The following VPS37A variants were observed in gnomAD, a reference collection of about 807,000 sequenced individuals.
VPS37A encodes the protein VPS37A subunit of ESCRT-I.
A neutral mutation model predicts 49.8 loss-of-function variants in VPS37A; 30 were observed. That is an observed-to-expected ratio of 0.60 (90% CI 0.45 to 0.82). The LOEUF is 0.82. VPS37A is among the 40% of genes least tolerant of loss of function. VPS37A has a pLI of 0.00. For missense variants in VPS37A, 593 were observed against 464.4 expected, an observed-to-expected ratio of 1.28 and a Z score of -2.55; for synonymous variants, 195 against 160.6, an observed-to-expected ratio of 1.21 and a Z score of -1.62.
chr8:17,307,422 T>C (rs953307974), downstream of VPS37A, among the ~76,000 whole-genome samples: 2 of 152,116 alleles, frequency 1.3e-5, no homozygotes, highest in African/African-American at 4.8e-5. Context: ...ATAGGAACAC[T>C]TTTACACTGT....
intron 2 of VPS37A, 118 bp from the exon 3 acceptor site, chr8:17,268,140 C>G: frequency 1.6e-6 from 1 of 643,352 alleles, no homozygotes; most frequent in Non-Finnish European, 2.7e-6. Context: ...TACTAAATGA[C>G]CCATATCAAA....
At chr8:17,311,735 A>T in the VPS37A span, 4 of 1,554,860 alleles carry the variant, frequency 2.6e-6, no homozygotes, top group African/African-American at 4.1e-5. Context: ...ACAGAAAGAA[A>T]CAGCCAAAAC....
intron 6 of VPS37A, among the ~76,000 whole-genome samples, chr8:17,277,358 GATT>G (rs1422619291): frequency 6.6e-6 from 1 of 151,954 alleles, no homozygotes; most frequent in African/African-American, 2.4e-5. Flanking sequence ...CATTTAATAA[GATT>G]ATCTTTTTTG....
At chr8:17,270,150 C>G (rs367784885) in intron 4 of VPS37A, among the ~76,000 whole-genome samples, 1 of 152,098 alleles carries the variant, frequency 6.6e-6, no homozygotes, top group African/African-American at 2.4e-5. Context: ...GAAATACACC[C>G]CCATGATCCA....
the VPS37A span, among the ~76,000 whole-genome samples, chr8:17,314,848 G>A: frequency 1.3e-5 from 2 of 152,220 alleles, no homozygotes; most frequent in African/African-American, 4.8e-5. Flanking sequence ...CTCTGGTTCA[G>A]AGCACTACCT....
rs1488074872 is a variant in VPS37A, at chr8:17,280,309, A to G, written c.900+12A>G. The G allele has an allele frequency of 6.2e-7, 1 of 1,609,202 alleles. No individual in the cohort carries two copies. Among genetic ancestry groups the G allele is most frequent in the Non-Finnish European group, 8.5e-7 (1 of 1,178,210 alleles). ...CTGTTTTAGATAAGGTGAGTTAGTG[A>G]TAATTTTGAAGAAATTTACATAATT... is the stretch of plus-strand genomic sequence containing the variant. On this transcript the variant is annotated intron_variant, in intron 8 of 11. Coordinates refer to ENST00000324849, the MANE Select transcript of VPS37A (RefSeq NM_152415.3).
At chr8:17,302,020 G>A (rs1236347610), downstream of VPS37A, 4 of 1,154,606 alleles carry the variant, frequency 3.5e-6, no homozygotes, top group Non-Finnish European at 3.7e-6. Flanking sequence ...CCTGGATGGG[G>A]TTGTGTTTCA....
At chr8:17,331,010 TA>T in the VPS37A span, 1 of 1,036,224 alleles carries the variant, frequency 9.7e-7, no homozygotes, top group Non-Finnish European at 1.4e-6. Context: ...CTTAAGTGTT[TA>T]AAAAGCCACT....
chr8:17,307,612 A>C, the VPS37A span, among the ~76,000 whole-genome samples: 1 of 152,226 alleles, frequency 6.6e-6, no homozygotes, highest in African/African-American at 2.4e-5. Flanking sequence ...CACTATTCAC[A>C]ATAGCAAAGA....
Position 17,296,861 on chromosome 8 carries a change from G to A in VPS37A, c.*1875G>A, listed in dbSNP as rs567849141. 6.6e-6 allele frequency: 1 copy of A among 152,040 alleles called. No individual in the cohort carries two copies. The highest frequency in any genetic ancestry group is 6.6e-5 in the Admixed American group (1 of 15,262). 9.4% of individuals were successfully genotyped at this position (152,040 alleles called of 1,614,324 possible). On this transcript the variant is annotated 3_prime_UTR_variant, in exon 12 of 12. Coordinates refer to ENST00000324849, the MANE Select transcript of VPS37A (RefSeq NM_152415.3). ...CCAGTTTCATTCTATACCATTCATTGGATAACCTTGTTACAACCCAGTCAT... is the reference window on the plus strand; with the variant it reads ...CCAGTTTCATTCTATACCATTCATTAGATAACCTTGTTACAACCCAGTCAT...
At chr8:17,305,255 T>C (rs570446955), downstream of VPS37A, among the ~76,000 whole-genome samples, 31 of 152,364 alleles carry the variant, frequency 2.0e-4, no homozygotes, top group Non-Finnish European at 4.4e-4. Flanking sequence ...AAATGTTCTC[T>C]CATGTATACT....
At chr8:17,325,288 G>A in the VPS37A span, among the ~76,000 whole-genome samples, 1 of 152,108 alleles carries the variant, frequency 6.6e-6, no homozygotes, top group East Asian at 1.9e-4. Context: ...CCACGATGGT[G>A]CCTCCCACGA....
At chr8:17,329,352 T>A in the VPS37A span, among the ~76,000 whole-genome samples, 1 of 152,186 alleles carries the variant, frequency 6.6e-6, no homozygotes, top group African/African-American at 2.4e-5. Context: ...CAGAAAGATA[T>A]CCTAGCCTAC....
chr8:17,260,583 A>G (rs1812878396), intron 1 of VPS37A, among the ~76,000 whole-genome samples: 2 of 152,044 alleles, frequency 1.3e-5, no homozygotes, highest in Admixed American at 1.3e-4. Flanking sequence ...CTCTTTGCAC[A>G]TTAATTTTTT....
At chr8:17,330,483 G>A in the VPS37A span, among the ~76,000 whole-genome samples, 9 of 152,260 alleles carry the variant, frequency 5.9e-5, no homozygotes, top group African/African-American at 9.6e-5. Flanking sequence ...AGCAGAAGCA[G>A]CGGACTAAGC....
At chr8:17,258,409 GT>G (rs1290508901) in intron 1 of VPS37A, among the ~76,000 whole-genome samples, 1 of 152,026 alleles carries the variant, frequency 6.6e-6, no homozygotes, top group Admixed American at 6.5e-5. Context: ...TTTGTTTTTT[GT>G]TCTTGGTTCT....
At chr8:17,309,961 T>C in the VPS37A span, among the ~76,000 whole-genome samples, 3 of 152,186 alleles carry the variant, frequency 2.0e-5, no homozygotes, top group African/African-American at 7.2e-5. Context: ...ATTATTATTT[T>C]TAAGTATTTA....
chr8:17,333,121 G>A, the VPS37A span, among the ~76,000 whole-genome samples: 7 of 152,262 alleles, frequency 4.6e-5, no homozygotes, highest in African/African-American at 1.4e-4. Context: ...GCTCCATGAC[G>A]TGGCTTATGT....
intron 1 of VPS37A, among the ~76,000 whole-genome samples, chr8:17,260,266 A>G (rs79318323): frequency 3.3e-5 from 5 of 152,152 alleles, no homozygotes; most frequent in Non-Finnish European, 5.9e-5. Context: ...TACAAAAAAC[A>G]TATATGTAAT....
Sources: gnomAD v4.1 joint callset for allele counts (sites outside exome capture counted in the v4.1 genomes callset) on GRCh38, gnomAD v4.1.1 for gene constraint, MANE v1.5 for transcripts, NCBI Gene and HGNC (gene_info 2026-07-23, HGNC 2026-07-21) for gene names.